HERC6: variants seen among roughly 807,000 people sequenced by gnomAD.
The protein encoded by HERC6 is probable E3 ubiquitin-protein ligase HERC6.
HERC6 carries 101 observed loss-of-function variants against 114.5 expected under a neutral mutation model. The observed-to-expected ratio is 0.88, with a 90% CI of 0.75 to 1.04. The LOEUF is 1.04. Among genes scored for constraint, HERC6 ranks in the 50% least tolerant of loss-of-function variants. The probability of loss-of-function intolerance (pLI) is 0.00; values close to 1 mark genes in which losing one functional copy is unlikely to be tolerated. For missense variants in HERC6, 1,133 were observed against 1,230.9 expected, an observed-to-expected ratio of 0.92 and a Z score of 1.19; for synonymous variants, 408 against 436.2, an observed-to-expected ratio of 0.94 and a Z score of 0.81.
intron 22 of HERC6, among the ~76,000 whole-genome samples, chr4:88,441,570 T>C (rs935830170): frequency 2.0e-5 from 3 of 152,076 alleles, no homozygotes; most frequent in African/African-American, 7.2e-5. Context: ...AACCCTAAGG[T>C]TTCTCTAGGG....
At chr4:88,440,560 G>C in intron 22 of HERC6, 2 of 244,552 alleles carry the variant, frequency 8.2e-6, no homozygotes, top group South Asian at 2.1e-4. Flanking sequence ...GATCTACATA[G>C]GGCATGAAAA....
chr4:88,429,806 A>G (rs4298105), intron 16 of HERC6, among the ~76,000 whole-genome samples: 152,287 of 152,350 alleles, frequency 1, 76,112 homozygotes, highest in Middle Eastern at 1. Context: ...CTCCCTTCAT[A>G]CCTATTTTTC....
In HERC6 at chr4:88,442,535, A is replaced by G; in HGVS notation, c.*75A>G. ...TTCTTCCTTACACCTAAATAATACA[A>G]GAGATTAATGAATAGTGGTTAGAAG... On this transcript the variant is annotated 3_prime_UTR_variant, in exon 23 of 23. Coordinates refer to ENST00000264346, the MANE Select transcript of HERC6 (RefSeq NM_017912.4). 1 of 1,057,044 alleles carries G rather than the reference A, an allele frequency of 9.5e-7. No individual in the cohort carries two copies. The highest frequency in any genetic ancestry group is 1.4e-6 in the Non-Finnish European group (1 of 699,988). The allele number at this position is 1,057,044 out of a possible 1,614,324, so 65.5% of individuals were successfully genotyped here.
intron 3 of HERC6, among the ~76,000 whole-genome samples, chr4:88,386,875 T>C (rs1221017877): frequency 6.6e-6 from 1 of 152,194 alleles, no homozygotes; most frequent in Non-Finnish European, 1.5e-5. Flanking sequence ...TAATTCTCAA[T>C]TGCCTTCAAC....
intron 17 of HERC6, among the ~76,000 whole-genome samples, chr4:88,431,624 T>G (rs1738226183): frequency 6.6e-6 from 1 of 152,338 alleles, no homozygotes; most frequent in South Asian, 2.1e-4. Flanking sequence ...CTGCATATAT[T>G]TAAGGTGTCC....
chr4:88,420,758 C>G (rs1319412795), intron 13 of HERC6, among the ~76,000 whole-genome samples: 2 of 152,020 alleles, frequency 1.3e-5, no homozygotes, highest in Non-Finnish European at 2.9e-5. Context: ...ATAGTGAGAC[C>G]TTGTCTCTAT....
chr4:88,408,233 G>A (rs903223360), intron 10 of HERC6, among the ~76,000 whole-genome samples: 2 of 152,098 alleles, frequency 1.3e-5, no homozygotes, highest in South Asian at 2.1e-4. Context: ...AACTGAGTGC[G>A]GGGGCAGATG....
intron 3 of HERC6, among the ~76,000 whole-genome samples, chr4:88,388,219 C>T (rs563232328): frequency 2.9e-4 from 44 of 151,622 alleles, no homozygotes; most frequent in African/African-American, 4.8e-4. Flanking sequence ...GCCAGGAGTT[C>T]GAGACCAGCC....
chr4:88,411,258 T>TA (rs1216438547), intron 11 of HERC6, among the ~76,000 whole-genome samples: 1 of 152,156 alleles, frequency 6.6e-6, no homozygotes, highest in African/African-American at 2.4e-5. Context: ...ATTAGTTTTA[T>TA]AAAAAACCCC....
rs201650812 is a variant in HERC6 at position 88,439,830 on chromosome 4, TTTCC to T, written c.2556-37_2556-34del. The T allele has an allele frequency of 1.1e-3, 1,579 of 1,413,012 alleles. 13 individuals carry two copies. The African/African-American group carries it at 0.021, about 18-fold the overall frequency. 87.5% of individuals were successfully genotyped at this position (1,413,012 alleles called of 1,614,324 possible). On this transcript the variant is annotated intron_variant, in intron 20 of 22. Transcript: ENST00000264346. The stretch of plus-strand genomic sequence containing the variant: ...TATAAAATCTTTTAATCATTGGCCT[TTTCC>T]TTCCTTTCTTTTTTTTTTTTTTTTT...
intron 5 of HERC6, 64 bp downstream of exon 5, chr4:88,393,646 C>A (rs1401569581): frequency 1.6e-5 from 15 of 955,112 alleles, no homozygotes; most frequent in Non-Finnish European, 2.3e-5. Flanking sequence ...TACATATGTA[C>A]TAATTATTGT....
At chr4:88,385,393 T>A (rs1734520768) in intron 2 of HERC6, 106 bp from the exon 3 acceptor site, 2 of 644,808 alleles carry the variant, frequency 3.1e-6, no homozygotes, top group Non-Finnish European at 5.4e-6. Context: ...ATAAAATAGT[T>A]TTCCTGGACC....
rs199680181 is a variant in HERC6 at position 88,397,120 on chromosome 4, A to AT, written c.1024+142dup. On this transcript the variant is annotated intron_variant, in intron 7 of 22. Transcript: ENST00000264346. ...CTTTTATTTTTATTTTTATTTATTTATTTTTTTTTGAGATGGAGTTTCGCT... is the reference window on the plus strand; with the variant it reads ...CTTTTATTTTTATTTTTATTTATTTATTTTTTTTTTGAGATGGAGTTTCGCT... The AT allele has an allele frequency of 0.012, 8,709 of 700,762 alleles. 551 individuals carry two copies. The African/African-American group carries it at 0.14, about 11-fold the overall frequency. The allele number at this position is 700,762 out of a possible 1,614,324, so 43.4% of individuals were successfully genotyped here. A position where few individuals can be genotyped will look rare whatever the true frequency, so the allele number is the denominator to read the frequency against.
Position 88,431,143 on chromosome 4 carries a change from C to T in HERC6, c.2107-19C>T. On this transcript the variant is annotated intron_variant, in intron 16 of 22. Transcript: ENST00000264346. ...TTGTATTTTAAGTCAGGATCTGGGA[C>T]TATGTTCTCTTTCCTTAGGTTGAAT... 1 of 1,598,696 alleles carries T rather than the reference C, an allele frequency of 6.3e-7. No individual in the cohort carries two copies. Among genetic ancestry groups the T allele is most frequent in the Non-Finnish European group, 8.5e-7 (1 of 1,174,330 alleles).
intron 9 of HERC6, 161 bp downstream of exon 9, chr4:88,405,158 ATTTACAGATAT>A: frequency 1.3e-6 from 1 of 797,082 alleles, no homozygotes; most frequent in Non-Finnish European, 1.9e-6. Flanking sequence ...CAGTGTACTC[ATTTACAGATAT>A]ATGGAGGACA....
At chr4:88,397,779 T>C (rs188289687) in intron 7 of HERC6, among the ~76,000 whole-genome samples, 16 of 152,266 alleles carry the variant, frequency 1.1e-4, no homozygotes, top group Non-Finnish European at 2.2e-4. Flanking sequence ...CAATACACTT[T>C]TTTTCCATAA....
intron 1 of HERC6, among the ~76,000 whole-genome samples, chr4:88,380,130 AAT>A (rs1323671001): frequency 1.5e-4 from 1 of 6,854 alleles, no homozygotes; most frequent in African/African-American, 1.6e-3. Flanking sequence ...ATAATATATA[AAT>A]ATATATAATA....
chr4:88,437,899 G>A, intron 20 of HERC6, 118 bp downstream of exon 20: 1 of 770,454 alleles, frequency 1.3e-6, no homozygotes, highest in Non-Finnish European at 2.1e-6. Flanking sequence ...AGCAATTTGG[G>A]AGGCTGAGGT....
intron 8 of HERC6, among the ~76,000 whole-genome samples, chr4:88,401,965 A>G (rs1175824599): frequency 3.9e-5 from 6 of 152,224 alleles, no homozygotes; most frequent in African/African-American, 1.4e-4. Context: ...TTAATTACAG[A>G]TGGAACTTTG....
Sources: allele counts gnomAD v4.1 joint callset (sites outside exome capture counted in the v4.1 genomes callset), GRCh38; gene constraint gnomAD v4.1.1; transcripts MANE v1.5; gene names NCBI Gene and HGNC (gene_info 2026-07-23, HGNC 2026-07-21).